The following ZNF567 variants were observed in gnomAD, a reference collection of about 807,000 sequenced individuals.
ZNF567 encodes zinc finger protein 567.
ZNF567 carries 36 observed loss-of-function variants against 53.9 expected under a neutral mutation model. The ratio of observed to expected loss-of-function variants is 0.67; its 90% CI spans 0.51 to 0.88. The LOEUF (loss-of-function observed/expected upper bound fraction) is 0.88, where lower values mean the gene tolerates loss of function less well. ZNF567 is among the 40% of genes least tolerant of loss of function. ZNF567 has a pLI of 0.00. For synonymous variants in ZNF567, 224 were observed against 260.4 expected (o/e 0.86, Z 1.35); for missense variants, 619 against 764.7 (o/e 0.81, Z 2.25).
In ZNF567 at chr19:36,719,992, G is replaced by T. The variant is rs1247505362; in HGVS notation, c.1268G>T (p.Cys423Phe). Reference sequence around the variant, plus strand: ...CATACAGGGGAAAAGCCCTATATTTGTAATGAATGTGGGAAATCCTTCTCC... The same window carrying T: ...CATACAGGGGAAAAGCCCTATATTTTTAATGAATGTGGGAAATCCTTCTCC... The part of the protein sequence containing the change: ...RTHTGEKPYI[C>F]NECGKSFSQK... Residue 423 changes from cysteine (C) to phenylalanine (F), a missense_variant, in exon 6 of 6, where the codon TGT (cysteine) becomes TTT (phenylalanine). Coordinates refer to ENST00000682579, the MANE Select transcript of ZNF567 (RefSeq NM_001322917.1). 1 of 1,614,010 alleles carries T rather than the reference G, an allele frequency of 6.2e-7. No homozygotes were observed. The highest frequency in any genetic ancestry group is 8.5e-7 in the Non-Finnish European group (1 of 1,180,014).
chr19:36,700,627 C>G (rs1400580718), intron 3 of ZNF567, among the ~76,000 whole-genome samples: 2 of 152,110 alleles, frequency 1.3e-5, no homozygotes, highest in African/African-American at 4.8e-5. Context: ...TTCAGAGATT[C>G]AACTTCTTCC....
chr19:36,718,867 T>C (rs2040185875), intron 5 of ZNF567, 81 bp from the exon 6 acceptor site: 1 of 1,157,974 alleles, frequency 8.6e-7, no homozygotes, highest in Admixed American at 2.6e-5. Context: ...TTTTGCGCCA[T>C]GTGCTAGACC....
the ZNF567 span, among the ~76,000 whole-genome samples, chr19:36,678,853 A>G: frequency 6.7e-6 from 1 of 149,426 alleles, no homozygotes; most frequent in African/African-American, 2.5e-5. Flanking sequence ...TCTGTCTCAA[A>G]AAAAAAAAAA....
upstream of ZNF567, among the ~76,000 whole-genome samples, chr19:36,687,054 C>A (rs569813715): frequency 2.6e-5 from 4 of 152,216 alleles, no homozygotes; most frequent in South Asian, 8.3e-4. Flanking sequence ...TTCGACAGAC[C>A]CCTCAGTCCC....
At position 36,694,894 on chromosome 19, in the gene ZNF567, C is replaced by G; in HGVS notation, c.9+18C>G. 2.0e-6 allele frequency: 3 copies of G among 1,501,926 alleles called. No individual in the cohort carries two copies. Among genetic ancestry groups the G allele is most frequent in the Non-Finnish European group, 1.8e-6 (2 of 1,133,340 alleles). 93.0% of individuals were successfully genotyped at this position (1,501,926 alleles called of 1,614,324 possible). A position where few individuals can be genotyped will look rare whatever the true frequency, so the allele number is the denominator to read the frequency against. ...TGGCTCAGGTAAGGCGATGGTTTCTCTCTCCTTTCTGAAAGTCTTTTTTTT... is the reference window on the plus strand; with the variant it reads ...TGGCTCAGGTAAGGCGATGGTTTCTGTCTCCTTTCTGAAAGTCTTTTTTTT... On this transcript the variant is annotated intron_variant, in intron 3 of 5. Transcript: ENST00000682579.
chr19:36,681,361 T>C, the ZNF567 span, among the ~76,000 whole-genome samples: 1 of 152,158 alleles, frequency 6.6e-6, no homozygotes, highest in Non-Finnish European at 1.5e-5. Context: ...TTTACATATT[T>C]TTTGTGAATT....
At chr19:36,703,275 G>A (rs962909070) in intron 3 of ZNF567, among the ~76,000 whole-genome samples, 3 of 152,072 alleles carry the variant, frequency 2.0e-5, no homozygotes, top group Non-Finnish European at 4.4e-5. Flanking sequence ...TGTCTGATCG[G>A]TCCTCTGGAA....
At position 36,719,913 on chromosome 19, in the gene ZNF567, G is replaced by C. The variant is rs144474175; in HGVS notation, c.1189G>C (p.Glu397Gln). 4 of 1,606,192 alleles carry C rather than the reference G, an allele frequency of 2.5e-6. No homozygotes were observed. The highest frequency in any genetic ancestry group is 2.7e-5 in the African/African-American group (2 of 74,660). Residue 397 changes from glutamate to glutamine, a missense_variant, in exon 6 of 6, where the codon GAA (glutamate) becomes CAA (glutamine). Transcript: ENST00000682579. ...AGGTGAGAAACCCTACATTTGTAAAGAATGTGGGAAGTCCTTTCACCAGAA... is the reference window on the plus strand; with the variant it reads ...AGGTGAGAAACCCTACATTTGTAAACAATGTGGGAAGTCCTTTCACCAGAA... Reference protein sequence around the residue: ...HTGEKPYICKECGKSFHQKAN... With the variant: ...HTGEKPYICKQCGKSFHQKAN...
downstream of ZNF567, among the ~76,000 whole-genome samples, chr19:36,723,711 G>A (rs753802243): frequency 6.6e-6 from 1 of 152,012 alleles, no homozygotes; most frequent in Non-Finnish European, 1.5e-5. Flanking sequence ...GCGCATTCCT[G>A]TAATCCCAGC....
At chr19:36,717,215 C>G (rs1183319903) in intron 5 of ZNF567, among the ~76,000 whole-genome samples, 1 of 152,054 alleles carries the variant, frequency 6.6e-6, no homozygotes, top group Non-Finnish European at 1.5e-5. Context: ...ATATTTATGT[C>G]AAAGTGTAAG....
chr19:36,706,746 C>A (rs12610353), intron 3 of ZNF567, among the ~76,000 whole-genome samples: 91,330 of 146,904 alleles, frequency 0.62, 28,526 homozygotes, highest in East Asian at 0.79. Flanking sequence ...CAATCAACCT[C>A]CCAGGATCCA....
downstream of ZNF567, among the ~76,000 whole-genome samples, chr19:36,724,620 T>C (rs1435213231): frequency 6.1e-5 from 9 of 148,584 alleles, no homozygotes; most frequent in African/African-American, 2.2e-4. Context: ...AGGTGGACAT[T>C]GTAGTGAGCC....
chr19:36,725,685 C>G (rs2040332888), downstream of ZNF567, among the ~76,000 whole-genome samples: 1 of 152,090 alleles, frequency 6.6e-6, no homozygotes, highest in South Asian at 2.1e-4. Flanking sequence ...GTCTTGCTCT[C>G]TCACCCAGTC....
intron 5 of ZNF567, among the ~76,000 whole-genome samples, chr19:36,715,506 AATAATTATTATT>A (rs1211867324): frequency 2.9e-3 from 76 of 25,952 alleles, no homozygotes; most frequent in African/African-American, 0.015. Flanking sequence ...TAATAATAAT[AATAATTATTATT>A]ATTATTATTA....
downstream of ZNF567, among the ~76,000 whole-genome samples, chr19:36,721,752 T>C (rs1287849159): frequency 7.1e-6 from 1 of 141,702 alleles, no homozygotes; most frequent in Non-Finnish European, 1.5e-5. Flanking sequence ...TTCTTTTTTT[T>C]TTTTTTTTTT....
At position 36,720,855 on chromosome 19, in the gene ZNF567, C is replaced by CT. The variant is rs765495539; in HGVS notation, c.*188dup. ...TAAGTATGATCATTATTATTGAACT[C>CT]TATCAGCTATGAAGCTAAATTTTAA... On this transcript the variant is annotated 3_prime_UTR_variant, in exon 6 of 6. Transcript: ENST00000682579. 1 of 459,020 alleles carries CT rather than the reference C, an allele frequency of 2.2e-6. No individual in the cohort carries two copies. Among genetic ancestry groups the CT allele is most frequent in the African/African-American group, 2.0e-5 (1 of 49,714 alleles). 28.4% of individuals were successfully genotyped at this position (459,020 alleles called of 1,614,324 possible). A position where few individuals can be genotyped will look rare whatever the true frequency, so the allele number is the denominator to read the frequency against.
At chr19:36,682,025 GC>G in the ZNF567 span, among the ~76,000 whole-genome samples, 1 of 152,076 alleles carries the variant, frequency 6.6e-6, no homozygotes, top group Non-Finnish European at 1.5e-5. Context: ...TGTCATCCCA[GC>G]ACTTTCAGAG....
At chr19:36,712,546 T>G (rs1287670697) in intron 4 of ZNF567, 34 bp downstream of exon 4, 1 of 1,613,472 alleles carries the variant, frequency 6.2e-7, no homozygotes. Flanking sequence ...TTTAGTAGCA[T>G]GCACTTCCTC....
the ZNF567 span, among the ~76,000 whole-genome samples, chr19:36,672,853 G>T: frequency 6.6e-6 from 1 of 152,204 alleles, no homozygotes; most frequent in East Asian, 1.9e-4. Context: ...ATCAGCTGAG[G>T]AGCTCGCTTG....
Sources: gnomAD v4.1 joint callset for allele counts (sites outside exome capture counted in the v4.1 genomes callset) on GRCh38, gnomAD v4.1.1 for gene constraint, MANE v1.5 for transcripts, NCBI Gene and HGNC (gene_info 2026-07-23, HGNC 2026-07-21) for gene names.